Variants in TRAM2 observed in about 807,000 individuals in gnomAD.
The protein encoded by TRAM2 is translocation associated membrane protein 2.
In TRAM2, 12 loss-of-function variants were observed where a neutral mutation model predicts 51.0. The ratio of observed to expected loss-of-function variants is 0.24; its 90% CI spans 0.15 to 0.38. The LOEUF is 0.38. TRAM2 is among the 10% of genes least tolerant of loss of function. The probability of loss-of-function intolerance (pLI) is 1.00; values close to 1 mark genes in which losing one functional copy is unlikely to be tolerated. For missense variants in TRAM2, 361 were observed against 462.0 expected, an observed-to-expected ratio of 0.78 and a Z score of 2.00; for synonymous variants, 175 against 179.4, an observed-to-expected ratio of 0.98 and a Z score of 0.20.
At chr6:52,508,346 G>A (rs1183525460) in intron 5 of TRAM2, 28 bp from the exon 6 acceptor site, 3 of 1,606,540 alleles carry the variant, frequency 1.9e-6, no homozygotes, top group Non-Finnish European at 2.6e-6. Context: ...AGTCACACGG[G>A]CAGGATAGAG....
At chr6:52,534,291 G>T (rs1171663486) in intron 2 of TRAM2, among the ~76,000 whole-genome samples, 4 of 152,084 alleles carry the variant, frequency 2.6e-5, no homozygotes, top group Admixed American at 2.6e-4. Context: ...TGAGGCGGAA[G>T]AATCGCTTCA....
chr6:52,571,284 C>T (rs1044599421), intron 1 of TRAM2, among the ~76,000 whole-genome samples: 20 of 152,228 alleles, frequency 1.3e-4, no homozygotes, highest in Admixed American at 1.2e-3. Flanking sequence ...ATGAGAGGTA[C>T]ATCAGCTATG....
At chr6:52,575,674 C>A (rs1297193633) in intron 1 of TRAM2, among the ~76,000 whole-genome samples, 2 of 152,114 alleles carry the variant, frequency 1.3e-5, no homozygotes, top group East Asian at 3.9e-4. Context: ...GGCAAGCCAT[C>A]CTCCATCTCC....
At chr6:52,510,745 C>T (rs539922081) in intron 4 of TRAM2, among the ~76,000 whole-genome samples, 46 of 152,292 alleles carry the variant, frequency 3.0e-4, no homozygotes, top group African/African-American at 5.3e-4. Flanking sequence ...ATCCAAAAGC[C>T]GCCAAGGTAA....
intron 7 of TRAM2, among the ~76,000 whole-genome samples, chr6:52,506,393 C>T (rs753921043): frequency 3.9e-5 from 6 of 152,230 alleles, no homozygotes; most frequent in Non-Finnish European, 8.8e-5. Flanking sequence ...CACAGCAAAC[C>T]TCGCATAGGC....
intron 2 of TRAM2, among the ~76,000 whole-genome samples, chr6:52,526,684 C>T (rs150445926): frequency 1.9e-3 from 291 of 152,294 alleles, no homozygotes; most frequent in African/African-American, 6.4e-3. Flanking sequence ...CCACTGCACC[C>T]GGCCTGCATT....
intron 1 of TRAM2, among the ~76,000 whole-genome samples, chr6:52,547,161 G>T (rs1767218249): frequency 1.3e-5 from 2 of 152,170 alleles, no homozygotes; most frequent in African/African-American, 2.4e-5. Context: ...TGGACAGTCA[G>T]GGAGGTGCGG....
intron 1 of TRAM2, among the ~76,000 whole-genome samples, chr6:52,548,183 T>G (rs1009725298): frequency 1.3e-5 from 2 of 152,228 alleles, no homozygotes; most frequent in Non-Finnish European, 2.9e-5. Flanking sequence ...TGAAAGCAAT[T>G]ACGAGACCCG....
chr6:52,550,329 C>T lies in TRAM2; in HGVS notation c.121-14483G>A, dbSNP rs148268345. On this transcript the variant is annotated intron_variant, in intron 1 of 10. Transcript: ENST00000182527. ...AAGCTTAGGGATAGCTCCCCACGTT[C>T]GCAAGCCTTAGAATGCTTTACTGTT... 9.1e-4 allele frequency among the ~76,000 whole-genome samples: 139 copies of T among 152,264 alleles called. No individual in the cohort carries two copies. In the South Asian group the frequency reaches 0.011, roughly 12 times the overall value.
At chr6:52,504,502 C>A in intron 10 of TRAM2, 89 bp downstream of exon 10, 1 of 1,575,444 alleles carries the variant, frequency 6.3e-7, no homozygotes, top group Non-Finnish European at 8.6e-7. Flanking sequence ...GTCTGGGCAG[C>A]GCCCAAGAAG....
chr6:52,517,581 G>A (rs1389452045), intron 2 of TRAM2, among the ~76,000 whole-genome samples: 1 of 152,244 alleles, frequency 6.6e-6, no homozygotes, highest in Non-Finnish European at 1.5e-5. Flanking sequence ...GTGGACAGAG[G>A]AGAATCTGCA....
At chr6:52,504,461 A>G in intron 10 of TRAM2, 130 bp downstream of exon 10, 2 of 1,470,548 alleles carry the variant, frequency 1.4e-6, no homozygotes, top group Admixed American at 4.3e-5. Flanking sequence ...GCCCTGAGGT[A>G]AGAGTCAGGA....
chr6:52,527,455 T>C (rs1456468274), intron 2 of TRAM2, among the ~76,000 whole-genome samples: 5 of 123,188 alleles, frequency 4.1e-5, no homozygotes, highest in South Asian at 2.4e-4. Flanking sequence ...TCAGGAGAAA[T>C]AGGAAAGTGA....
rs1766124519 is a variant in TRAM2 at position 52,498,073 on chromosome 6, CAT to C, written c.*5122_*5123del. 6.6e-6 allele frequency: 1 copy of C among 152,334 alleles called. No homozygotes were observed. Among genetic ancestry groups the C allele is most frequent in the Non-Finnish European group, 1.5e-5 (1 of 68,044 alleles). The allele number at this position is 152,334 out of a possible 1,614,324, so 9.4% of individuals were successfully genotyped here. On this transcript the variant is annotated 3_prime_UTR_variant, in exon 11 of 11. Transcript: ENST00000182527. The stretch of plus-strand genomic sequence containing the variant: ...AAAATAGACCTCTAAGATGATGCTA[CAT>C]GTTCTAAAAGAGTGCCACAGAAACC...
intron 2 of TRAM2, among the ~76,000 whole-genome samples, chr6:52,528,674 C>A (rs965894563): frequency 2.0e-5 from 3 of 152,144 alleles, no homozygotes; most frequent in African/African-American, 7.2e-5. Context: ...CTGCAAAATG[C>A]AACAGAGCAG....
At chr6:52,505,972 G>T in intron 8 of TRAM2, 60 bp downstream of exon 8, 1 of 1,573,914 alleles carries the variant, frequency 6.4e-7, no homozygotes, top group Non-Finnish European at 8.7e-7. Flanking sequence ...AACCATCCGG[G>T]CCTCGGGGGA....
At chr6:52,524,231 G>T (rs1766729941) in intron 2 of TRAM2, 1 of 152,154 alleles carries the variant, frequency 6.6e-6, no homozygotes, top group African/African-American at 2.4e-5. Flanking sequence ...GAAAGTTGAT[G>T]ACGCTCTCTG....
At chr6:52,537,505 T>C (rs1562483103) in intron 1 of TRAM2, among the ~76,000 whole-genome samples, 1 of 152,140 alleles carries the variant, frequency 6.6e-6, no homozygotes, top group Non-Finnish European at 1.5e-5. Context: ...CTCTCCTGAT[T>C]AGAATCTCAC....
chr6:52,548,172 A>G (rs1767244024), intron 1 of TRAM2, among the ~76,000 whole-genome samples: 1 of 152,220 alleles, frequency 6.6e-6, no homozygotes, highest in Non-Finnish European at 1.5e-5. Context: ...GCTACTGGAG[A>G]TGAAAGCAAT....
Sources: allele counts gnomAD v4.1 joint callset (sites outside exome capture counted in the v4.1 genomes callset), GRCh38; gene constraint gnomAD v4.1.1; transcripts MANE v1.5; gene names NCBI Gene and HGNC (gene_info 2026-07-23, HGNC 2026-07-21).